PCDHA8: variants seen among roughly 807,000 people sequenced by gnomAD.
The protein encoded by PCDHA8 is protocadherin alpha 8.
In PCDHA8, 53 loss-of-function variants were observed where a neutral mutation model predicts 61.8. The observed-to-expected ratio is 0.86, with a 90% CI of 0.69 to 1.08. The LOEUF (loss-of-function observed/expected upper bound fraction) is 1.08, where lower values mean the gene tolerates loss of function less well. Ranked by LOEUF, PCDHA8 falls within the 50% of genes least tolerant of loss-of-function variation. PCDHA8 has a pLI of 0.00. For synonymous variants in PCDHA8, 618 were observed against 556.6 expected (o/e 1.11, Z -1.55); for missense variants, 1,293 against 1,245.0 (o/e 1.04, Z -0.58).
intron 1 of PCDHA8, among the ~76,000 whole-genome samples, chr5:140,924,534 C>G (rs1488047727): frequency 1.3e-5 from 2 of 152,134 alleles, no homozygotes; most frequent in African/African-American, 2.4e-5. Context: ...AATGCCCGAG[C>G]TACCCCTCTC....
At chr5:140,861,033 G>A (rs1443263351) in intron 1 of PCDHA8, 1 of 152,266 alleles carries the variant, frequency 6.6e-6, no homozygotes, top group Non-Finnish European at 1.5e-5. Flanking sequence ...CCGGCCGAAA[G>A]GTATTTTTTT....
chr5:141,000,103 G>T (rs551643743), intron 3 of PCDHA8, among the ~76,000 whole-genome samples: 2 of 152,068 alleles, frequency 1.3e-5, no homozygotes, highest in Non-Finnish European at 2.9e-5. Flanking sequence ...GCTCAACTCC[G>T]TCTCTTCCCT....
At position 140,842,490 on chromosome 5, in the gene PCDHA8, T is replaced by C. The variant is rs2150337276; in HGVS notation, c.1169T>C (p.Met390Thr). The C allele has an allele frequency of 9.9e-6, 16 of 1,613,892 alleles. No homozygotes were observed. In the South Asian group the frequency reaches 1.6e-4, roughly 17 times the overall value. Residue 390 changes from methionine to threonine, a missense_variant, in exon 1 of 4, where the codon ATG becomes ACG. Physicochemically the swap from Met to Thr is moderately conservative, Grantham distance 81. Transcript: ENST00000531613. Reference protein sequence around the residue: ...GANGQVTCSLMPHVPFKLVST... With the variant: ...GANGQVTCSLTPHVPFKLVST... ...AACGGGCAGGTGACCTGCTCCCTGA[T>C]GCCCCATGTCCCCTTCAAGCTGGTG... is the stretch of plus-strand genomic sequence containing the variant.
chr5:140,845,916 T>G (rs1288140729), intron 1 of PCDHA8, among the ~76,000 whole-genome samples: 2 of 149,722 alleles, frequency 1.3e-5, no homozygotes, highest in African/African-American at 4.9e-5. Context: ...ATTAATCTTA[T>G]TTTTGTGTAA....
chr5:140,929,717 A>G (rs1408315390), intron 1 of PCDHA8: 1 of 229,936 alleles, frequency 4.3e-6, no homozygotes, highest in Non-Finnish European at 9.0e-6. Flanking sequence ...ATGGAAGGTG[A>G]AACATTTACT....
At chr5:140,853,957 G>C in intron 1 of PCDHA8, 1 of 736,982 alleles carries the variant, frequency 1.4e-6, no homozygotes. Flanking sequence ...TCCCTTCCTT[G>C]AGCCCAGCAG....
At chr5:140,875,236 C>G (rs2055366681) in intron 1 of PCDHA8, 2 of 889,228 alleles carry the variant, frequency 2.2e-6, no homozygotes, top group East Asian at 2.9e-5. Context: ...CTTTCTTGTA[C>G]TTACATAATC....
At chr5:140,929,096 C>T (rs113293568) in intron 1 of PCDHA8, 45,094 of 1,614,150 alleles carry the variant, frequency 0.028, 813 homozygotes, top group Non-Finnish European at 0.033. Context: ...GTTTCAAATC[C>T]TTGCATGACA....
intron 1 of PCDHA8, chr5:140,968,380 C>T: frequency 6.2e-7 from 1 of 1,614,072 alleles, no homozygotes; most frequent in Non-Finnish European, 8.5e-7. Context: ...ACTCCTTTGA[C>T]TATGAGAAGT....
chr5:140,848,297 T>C, intron 1 of PCDHA8: 1 of 658,484 alleles, frequency 1.5e-6, no homozygotes, highest in Non-Finnish European at 2.6e-6. Flanking sequence ...TTGGGCCACG[T>C]GATGTCACTC....
At chr5:140,934,574 A>G in intron 1 of PCDHA8, among the ~76,000 whole-genome samples, 1 of 152,124 alleles carries the variant, frequency 6.6e-6, no homozygotes, top group Non-Finnish European at 1.5e-5. Flanking sequence ...AATTAATTGT[A>G]ACATTTCTGT....
Position 140,841,832 on chromosome 5 carries a change from A to G in PCDHA8, c.511A>G (p.Arg171Gly). The change falls in exon 1 of 4, where the codon AGG becomes GGG. Residue 171 changes from arginine (R) to glycine (G), a missense_variant. Coordinates refer to ENST00000531613, the MANE Select transcript of PCDHA8 (RefSeq NM_018911.3). ...TGGAGCTAACTCCGTGTTAACCTAC[A>G]GGCTTAGCTCTCATGATTACTTCAT... is the stretch of plus-strand genomic sequence containing the variant. The part of the protein sequence containing the change: ...DVGANSVLTY[R>G]LSSHDYFMLD... 1 of 1,613,924 alleles carries G rather than the reference A, an allele frequency of 6.2e-7. No individual in the cohort carries two copies. Among genetic ancestry groups the G allele is most frequent in the Non-Finnish European group, 8.5e-7 (1 of 1,179,872 alleles).
At chr5:140,862,607 A>C in intron 1 of PCDHA8, 3 of 519,204 alleles carry the variant, frequency 5.8e-6, no homozygotes, top group Non-Finnish European at 1.2e-5. Flanking sequence ...GTGTTCGTGA[A>C]AGGTAACAAC....
intron 1 of PCDHA8, among the ~76,000 whole-genome samples, chr5:140,934,646 T>C (rs1554210032): frequency 6.6e-6 from 1 of 152,116 alleles, no homozygotes; most frequent in African/African-American, 2.4e-5. Flanking sequence ...GCAGGATAAA[T>C]GTTTGATTCT....
At chr5:140,889,267 A>C (rs1376262292) in intron 1 of PCDHA8, among the ~76,000 whole-genome samples, 1 of 151,966 alleles carries the variant, frequency 6.6e-6, no homozygotes. Context: ...AAGTTTGTAT[A>C]ATCTTTGAAT....
intron 1 of PCDHA8, among the ~76,000 whole-genome samples, chr5:140,921,929 A>C (rs2080500807): frequency 6.6e-6 from 1 of 152,126 alleles, no homozygotes; most frequent in African/African-American, 2.4e-5. Flanking sequence ...CTTATAGTCA[A>C]TATAATTTTA....
At chr5:140,962,494 A>T (rs1016662619) in intron 1 of PCDHA8, among the ~76,000 whole-genome samples, 4 of 152,130 alleles carry the variant, frequency 2.6e-5, no homozygotes, top group Admixed American at 2.6e-4. Context: ...CAATTTTCAG[A>T]CACCTCAGCC....
At position 140,878,750 on chromosome 5, in the gene PCDHA8, T is replaced by A. The variant is rs143616284; in HGVS notation, c.2394+35035T>A. ...AGCCTTATATCTACTTTCTTACATATCTTTAGTTTAGGATCTGGAATATAG... is the reference window on the plus strand; with the variant it reads ...AGCCTTATATCTACTTTCTTACATAACTTTAGTTTAGGATCTGGAATATAG... On this transcript the variant is annotated intron_variant, in intron 1 of 3. Coordinates refer to ENST00000531613, the MANE Select transcript of PCDHA8 (RefSeq NM_018911.3). Among the ~76,000 whole-genome samples, 863 of 152,338 alleles carry A rather than the reference T, an allele frequency of 5.7e-3. 5 individuals are homozygous for A. Among genetic ancestry groups the A allele is most frequent in the Middle Eastern group, 0.014 (4 of 294 alleles).
At chr5:140,965,312 C>G (rs543157988) in intron 1 of PCDHA8, among the ~76,000 whole-genome samples, 1 of 152,258 alleles carries the variant, frequency 6.6e-6, no homozygotes, top group East Asian at 1.9e-4. Context: ...TCTACCTTCT[C>G]TTTTACTGAA....
Sources: allele counts gnomAD v4.1 joint callset (sites outside exome capture counted in the v4.1 genomes callset), GRCh38; gene constraint gnomAD v4.1.1; transcripts MANE v1.5; gene names NCBI Gene and HGNC (gene_info 2026-07-23, HGNC 2026-07-21).